ARHGAP24: variants seen among roughly 807,000 people sequenced by gnomAD.
ARHGAP24 encodes the protein rho GTPase-activating protein 24.
Under a neutral mutation model 76.4 loss-of-function variants are expected in ARHGAP24, and 50 were observed. The ratio of observed to expected loss-of-function variants is 0.65; its 90% CI spans 0.52 to 0.83. The LOEUF (loss-of-function observed/expected upper bound fraction) is 0.83, where lower values mean the gene tolerates loss of function less well. ARHGAP24 is among the 40% of genes least tolerant of loss of function. ARHGAP24 has a pLI of 0.00. For synonymous variants in ARHGAP24, 345 were observed against 323.3 expected (o/e 1.07, Z -0.72); for missense variants, 930 against 914.2 (o/e 1.02, Z -0.22).
chr4:85,725,290 G>T (rs1023118875), intron 3 of ARHGAP24, among the ~76,000 whole-genome samples: 1 of 152,086 alleles, frequency 6.6e-6, no homozygotes, highest in African/African-American at 2.4e-5. Context: ...TATAACATAT[G>T]GTGCTAAACA....
intron 3 of ARHGAP24, among the ~76,000 whole-genome samples, chr4:85,774,306 A>T (rs1727231271): frequency 6.6e-6 from 1 of 152,214 alleles, no homozygotes; most frequent in Non-Finnish European, 1.5e-5. Context: ...GGGCTCTGAA[A>T]GAGTGTGCAG....
chr4:85,567,965 C>T (rs1348686040), intron 1 of ARHGAP24, among the ~76,000 whole-genome samples: 3 of 152,026 alleles, frequency 2.0e-5, no homozygotes, highest in African/African-American at 7.3e-5. Context: ...AAGCACTTTC[C>T]GATGCATTCT....
At chr4:85,612,290 G>A (rs559187880) in intron 2 of ARHGAP24, among the ~76,000 whole-genome samples, 2 of 152,050 alleles carry the variant, frequency 1.3e-5, no homozygotes, top group African/African-American at 4.8e-5. Context: ...GGTGGTGGGC[G>A]CCTGTAGTCC....
At chr4:85,784,900 TA>T in intron 3 of ARHGAP24, among the ~76,000 whole-genome samples, 1 of 148,368 alleles carries the variant, frequency 6.7e-6, no homozygotes, top group South Asian at 2.2e-4. Context: ...AAGATGATTA[TA>T]TATCTCTATC....
Position 85,663,931 on chromosome 4 carries a change from T to C in ARHGAP24, c.181-57954T>C, listed in dbSNP as rs1722506724. Among the ~76,000 whole-genome samples the C allele has an allele frequency of 2.0e-5, 3 of 152,122 alleles. No individual in the cohort carries two copies. The South Asian group carries it at 6.2e-4, about 32-fold the overall frequency. ...CTGGATTCAGTTTGCCAGTATTTTATTGAGGATTTTTGTATCAATGTTCAT... is the reference window on the plus strand; with the variant it reads ...CTGGATTCAGTTTGCCAGTATTTTACTGAGGATTTTTGTATCAATGTTCAT... On this transcript the variant is annotated intron_variant, in intron 2 of 9. Transcript: ENST00000395184.
intron 5 of ARHGAP24, among the ~76,000 whole-genome samples, chr4:85,966,470 G>T (rs985270040): frequency 6.6e-6 from 1 of 152,162 alleles, no homozygotes; most frequent in Non-Finnish European, 1.5e-5. Flanking sequence ...ATGTAACTGT[G>T]CAATAAGCCA....
intron 2 of ARHGAP24, among the ~76,000 whole-genome samples, chr4:85,688,581 C>T (rs927791314): frequency 6.6e-6 from 1 of 152,016 alleles, no homozygotes. Flanking sequence ...TTGTTTAGGT[C>T]CTACTTGTCA....
chr4:85,662,472 T>A (rs377232237), intron 2 of ARHGAP24, among the ~76,000 whole-genome samples: 1 of 151,118 alleles, frequency 6.6e-6, no homozygotes, highest in Non-Finnish European at 1.5e-5. Flanking sequence ...TAGGTTGCCT[T>A]TTCACTCTGA....
chr4:85,941,251 A>C (rs973366594), intron 4 of ARHGAP24, among the ~76,000 whole-genome samples: 3 of 152,182 alleles, frequency 2.0e-5, no homozygotes, highest in Admixed American at 6.6e-5. Context: ...ACTGAGGGTG[A>C]AATAGTGGCT....
chr4:85,781,988 G>A (rs897392517), intron 3 of ARHGAP24, among the ~76,000 whole-genome samples: 10 of 133,030 alleles, frequency 7.5e-5, no homozygotes, highest in African/African-American at 2.3e-4. Context: ...AGTGAGCCGA[G>A]ATCACACCAC....
At chr4:85,633,884 C>A (rs1578095911) in intron 2 of ARHGAP24, among the ~76,000 whole-genome samples, 1 of 151,814 alleles carries the variant, frequency 6.6e-6, no homozygotes, top group East Asian at 1.9e-4. Context: ...CCTTGTGAAT[C>A]ATATAATTTT....
At chr4:85,666,481 T>G (rs1217963996) in intron 2 of ARHGAP24, among the ~76,000 whole-genome samples, 2 of 152,230 alleles carry the variant, frequency 1.3e-5, no homozygotes, top group African/African-American at 4.8e-5. Flanking sequence ...GTCTGAAGCC[T>G]TCTTCTCTCA....
At chr4:85,758,561 A>T (rs1264818480) in intron 3 of ARHGAP24, among the ~76,000 whole-genome samples, 1 of 152,218 alleles carries the variant, frequency 6.6e-6, no homozygotes, top group Non-Finnish European at 1.5e-5. Flanking sequence ...AAATTTGGGC[A>T]AGAGGTTGTA....
At chr4:85,963,668 A>G (rs1416305561) in intron 5 of ARHGAP24, among the ~76,000 whole-genome samples, 1 of 152,116 alleles carries the variant, frequency 6.6e-6, no homozygotes, top group Non-Finnish European at 1.5e-5. Flanking sequence ...TAATTTACAT[A>G]GGCACATTAT....
intron 2 of ARHGAP24, among the ~76,000 whole-genome samples, chr4:85,613,771 A>G (rs1451978720): frequency 6.6e-6 from 1 of 152,194 alleles, no homozygotes; most frequent in Non-Finnish European, 1.5e-5. Context: ...TATTTTAACC[A>G]AACATATTAC....
chr4:85,828,252 A>C (rs1187275901), intron 3 of ARHGAP24, among the ~76,000 whole-genome samples: 2 of 152,218 alleles, frequency 1.3e-5, no homozygotes, highest in Admixed American at 1.3e-4. Flanking sequence ...CTGCTGCCAC[A>C]TGATGTATCT....
chr4:85,506,834 G>C (rs142811819), intron 1 of ARHGAP24, among the ~76,000 whole-genome samples: 5 of 152,176 alleles, frequency 3.3e-5, no homozygotes, highest in African/African-American at 1.2e-4. Flanking sequence ...CATCAGTCAC[G>C]CTGGGAGCTG....
chr4:85,932,026 A>G (rs1296360325), intron 4 of ARHGAP24, among the ~76,000 whole-genome samples: 1 of 152,164 alleles, frequency 6.6e-6, no homozygotes, highest in Non-Finnish European at 1.5e-5. Flanking sequence ...TACAAAATAC[A>G]GTGGGAACTT....
At chr4:85,762,404 A>C (rs1289813529) in intron 3 of ARHGAP24, among the ~76,000 whole-genome samples, 1 of 152,158 alleles carries the variant, frequency 6.6e-6, no homozygotes, top group Non-Finnish European at 1.5e-5. Flanking sequence ...AAGATCCAGG[A>C]GAGGGAAAAC....
Sources: gnomAD v4.1 joint callset for allele counts (sites outside exome capture counted in the v4.1 genomes callset) on GRCh38, gnomAD v4.1.1 for gene constraint, MANE v1.5 for transcripts, NCBI Gene and HGNC (gene_info 2026-07-23, HGNC 2026-07-21) for gene names.